LDAF1: variants seen among roughly 807,000 people sequenced by gnomAD.
LDAF1 encodes lipid droplet assembly factor 1, also known as PROMETHIN.
A neutral mutation model predicts 13.5 loss-of-function variants in LDAF1; 7 were observed. The observed-to-expected ratio is 0.52, with a 90% confidence interval of 0.29 to 0.97. LDAF1 has a LOEUF of 0.97. LDAF1 is among the 50% of genes least tolerant of loss of function. The probability of loss-of-function intolerance (pLI) is 0.07; values close to 1 mark genes in which losing one functional copy is unlikely to be tolerated. For missense variants in LDAF1, 148 were observed against 193.2 expected, an observed-to-expected ratio of 0.77 and a Z score of 1.39; for synonymous variants, 69 against 77.1, an observed-to-expected ratio of 0.89 and a Z score of 0.55.
At chr16:21,161,386 A>T (rs1462573716) in intron 2 of LDAF1, 108 bp downstream of exon 2, 1 of 1,367,140 alleles carries the variant, frequency 7.3e-7, no homozygotes, top group African/African-American at 1.5e-5. Flanking sequence ...AGGTAAGTCA[A>T]GAATCTTTCT....
chr16:21,164,655 G>A (rs572783299), intron 2 of LDAF1, among the ~76,000 whole-genome samples: 1 of 152,348 alleles, frequency 6.6e-6, no homozygotes, highest in African/African-American at 2.4e-5. Flanking sequence ...GGCGCATAAT[G>A]TTGTCAGTCT....
intron 4 of LDAF1, among the ~76,000 whole-genome samples, chr16:21,174,832 A>C (rs2093124929): frequency 6.6e-6 from 1 of 152,158 alleles, no homozygotes; most frequent in Admixed American, 6.6e-5. Flanking sequence ...CATGTCTGTC[A>C]CCCAAAGCGG....
chr16:21,174,255 AC>A, intron 4 of LDAF1, 107 bp downstream of exon 4: 13 of 1,059,488 alleles, frequency 1.2e-5, no homozygotes, highest in South Asian at 3.5e-5. Context: ...AGTGGCATGA[AC>A]ATAGCTCGCT....
At chr16:21,175,208 T>C (rs2093128062) in intron 4 of LDAF1, among the ~76,000 whole-genome samples, 1 of 152,236 alleles carries the variant, frequency 6.6e-6, no homozygotes, top group African/African-American at 2.4e-5. Context: ...TTTAAGCTCC[T>C]GCTAAATTGA....
chr16:21,162,016 G>T (rs1204685048), intron 2 of LDAF1, among the ~76,000 whole-genome samples: 1 of 151,992 alleles, frequency 6.6e-6, no homozygotes, highest in Admixed American at 6.6e-5. Context: ...AAATGAGCAG[G>T]TGTGGTGGTA....
At chr16:21,164,328 C>T (rs188973325) in intron 2 of LDAF1, among the ~76,000 whole-genome samples, 94 of 152,268 alleles carry the variant, frequency 6.2e-4, no homozygotes, top group African/African-American at 2.0e-3. Flanking sequence ...ACTGTAGCCT[C>T]GAACTTCTGG....
At chr16:21,168,773 T>C (rs2093053021) in intron 2 of LDAF1, among the ~76,000 whole-genome samples, 1 of 132,556 alleles carries the variant, frequency 7.5e-6, no homozygotes, top group South Asian at 2.2e-4. Context: ...TAAATATTTT[T>C]ATATTTATAT....
chr16:21,166,154 G>A (rs555388798), intron 2 of LDAF1, among the ~76,000 whole-genome samples: 6 of 152,188 alleles, frequency 3.9e-5, no homozygotes, highest in Admixed American at 2.0e-4. Context: ...GAGCCACCGT[G>A]CCCAGCCAGA....
intron 4 of LDAF1, among the ~76,000 whole-genome samples, chr16:21,175,662 C>G (rs1431063639): frequency 1.3e-5 from 2 of 152,206 alleles, no homozygotes; most frequent in African/African-American, 2.4e-5. Flanking sequence ...AGGCAGCTTG[C>G]TGGATTTGGC....
rs761570872 is a variant in LDAF1 at position 21,170,405 on chromosome 16, C to T, written c.97-32C>T. On this transcript the variant is annotated intron_variant, in intron 2 of 4. Coordinates refer to ENST00000233047, the MANE Select transcript of LDAF1 (RefSeq NM_001301771.2). ...TTCAACCTGGGGTTCCGATGTGTTACTTATCCCTGGCTCTTTGTCCTTTGC... is the reference window on the plus strand; with the variant it reads ...TTCAACCTGGGGTTCCGATGTGTTATTTATCCCTGGCTCTTTGTCCTTTGC... 11 of 1,612,572 alleles carry T rather than the reference C, an allele frequency of 6.8e-6. No homozygotes were observed. The South Asian group carries it at 1.1e-4, about 16-fold the overall frequency.
chr16:21,165,501 A>T (rs13338405), intron 2 of LDAF1: 476,928 of 726,208 alleles, frequency 0.66, 158,877 homozygotes, highest in East Asian at 1. Context: ...TGTGCCATAC[A>T]GTCCCTAAGT....
intron 2 of LDAF1, among the ~76,000 whole-genome samples, chr16:21,163,227 ACAGTG>A (rs1597531518): frequency 1.3e-5 from 2 of 152,204 alleles, no homozygotes; most frequent in East Asian, 3.8e-4. Context: ...TAAATAGACC[ACAGTG>A]ACACTTGTTT....
Position 21,174,107 on chromosome 16 carries a change from TGTA to T in LDAF1, c.366_368del (p.Val124del), listed in dbSNP as rs753901418. The T allele has an allele frequency of 3.8e-5, 62 of 1,614,034 alleles. No individual in the cohort carries two copies. Among genetic ancestry groups the T allele is most frequent in the Non-Finnish European group, 4.9e-5 (58 of 1,180,002 alleles). ...TGTCGGGGATGATGATAGCATCTTA[TGTA>T]GTGGTCTCCAGCCTCATCAGCTGCT... is the stretch of plus-strand genomic sequence containing the variant. On this transcript the variant is annotated inframe_deletion, in exon 4 of 5. Coordinates refer to ENST00000233047, the MANE Select transcript of LDAF1 (RefSeq NM_001301771.2).
At position 21,178,302 on chromosome 16, in the gene LDAF1, A is replaced by G. The variant is rs1269705146; in HGVS notation, c.405-1173A>G. 9.1e-6 allele frequency: 9 copies of G among 985,256 alleles called. No homozygotes were observed. The African/African-American group carries it at 1.6e-4, about 17-fold the overall frequency. 61.0% of individuals were successfully genotyped at this position (985,256 alleles called of 1,614,324 possible). A position where few individuals can be genotyped will look rare whatever the true frequency, so the allele number is the denominator to read the frequency against. On this transcript the variant is annotated intron_variant, in intron 4 of 4. Transcript: ENST00000233047. The stretch of plus-strand genomic sequence containing the variant: ...GTTTATTTGCAGAGCCACCAAACTC[A>G]CTACCCCATATCATAATCTTCCAAA...
rs377138172 is a variant in LDAF1 at position 21,159,339 on chromosome 16, C to G, written c.-99+593C>G. 7 of 1,613,858 alleles carry G rather than the reference C, an allele frequency of 4.3e-6. No individual in the cohort carries two copies. In the Admixed American group the frequency reaches 5.0e-5, roughly 12 times the overall value. ...CCCCTCTCCACCTGCATTTCACTCC[C>G]TTCCTCCTCTCCTTGGGTCTCCCTG... On this transcript the variant is annotated intron_variant, in intron 1 of 4. Transcript: ENST00000233047.
At chr16:21,159,499 C>T (rs1034395186) in intron 1 of LDAF1, 9 of 1,529,876 alleles carry the variant, frequency 5.9e-6, no homozygotes, top group African/African-American at 2.7e-5. Flanking sequence ...TAGCCGTTTT[C>T]CCCTGGAGGT....
In LDAF1 at chr16:21,166,842, G is replaced by T. The variant is rs1302582924; in HGVS notation, c.97-3595G>T. On this transcript the variant is annotated intron_variant, in intron 2 of 4. Transcript: ENST00000233047. Reference sequence around the variant, plus strand: ...CTCCGCCTCTCTTTCTCTTTCAGCTGCCCCAACACAGCAGGATCTCACTGG... The same window carrying T: ...CTCCGCCTCTCTTTCTCTTTCAGCTTCCCCAACACAGCAGGATCTCACTGG... 4 of 1,535,558 alleles carry T rather than the reference G, an allele frequency of 2.6e-6. No homozygotes were observed. In the East Asian group the frequency reaches 9.8e-5, roughly 38 times the overall value.
chr16:21,168,521 T>C (rs1462871412), intron 2 of LDAF1, among the ~76,000 whole-genome samples: 2 of 146,080 alleles, frequency 1.4e-5, no homozygotes, highest in African/African-American at 5.0e-5. Context: ...ATAATTATAA[T>C]AAATAATATA....
At chr16:21,170,366 C>G (rs1301701633) in intron 2 of LDAF1, 71 bp from the exon 3 acceptor site, 1 of 1,595,976 alleles carries the variant, frequency 6.3e-7, no homozygotes, top group Admixed American at 1.7e-5. Flanking sequence ...ATTCCCACAG[C>G]TTGGGCAGAT....
Sources: gnomAD v4.1 joint callset for allele counts (sites outside exome capture counted in the v4.1 genomes callset) on GRCh38, gnomAD v4.1.1 for gene constraint, MANE v1.5 for transcripts, NCBI Gene and HGNC (gene_info 2026-07-23, HGNC 2026-07-21) for gene names.